PAM: variants seen among roughly 807,000 people sequenced by gnomAD.
PAM encodes peptidylglycine alpha-amidating monooxygenase.
PAM carries 72 observed loss-of-function variants against 122.1 expected under a neutral mutation model. The observed-to-expected ratio is 0.59, with a 90% confidence interval of 0.49 to 0.72. The LOEUF (loss-of-function observed/expected upper bound fraction) is 0.72. Among genes scored for constraint, PAM ranks in the 30% least tolerant of loss-of-function variants. PAM has a pLI of 0.00. For synonymous variants in PAM, 389 were observed against 404.4 expected, an observed-to-expected ratio of 0.96 and a Z score of 0.46; for missense variants, 1,106 against 1,183.7, an observed-to-expected ratio of 0.93 and a Z score of 0.96.
At chr5:102,860,452 G>A (rs7704560) in intron 1 of PAM, among the ~76,000 whole-genome samples, 13,792 of 152,186 alleles carry the variant, frequency 0.091, 1,550 homozygotes, top group African/African-American at 0.26. Flanking sequence ...GAAGGGCGAG[G>A]TGGGGGAATA....
chr5:103,028,452 A>G lies in PAM; in HGVS notation c.2743+214A>G, dbSNP rs528324883. Among the ~76,000 whole-genome samples, 44 of 152,228 alleles carry G rather than the reference A, an allele frequency of 2.9e-4. 1 individual carries two copies. The South Asian group carries it at 8.7e-3, about 30-fold the overall frequency. On this transcript the variant is annotated intron_variant, in intron 25 of 25. Coordinates refer to ENST00000438793, the MANE Select transcript of PAM (RefSeq NM_001177306.2). The stretch of plus-strand genomic sequence containing the variant: ...CAGATTTCCCAGTTTTATTTTTCCC[A>G]TTCTGCATTATCTAATTCTCTTCCC...
chr5:102,895,698 C>A (rs1176253449), intron 3 of PAM, among the ~76,000 whole-genome samples: 1 of 151,714 alleles, frequency 6.6e-6, no homozygotes, highest in African/African-American at 2.4e-5. Flanking sequence ...TAGAGCTTCT[C>A]TCCTATGAAG....
At chr5:102,781,283 A>G (rs539288960) in intron 1 of PAM, among the ~76,000 whole-genome samples, 1 of 152,200 alleles carries the variant, frequency 6.6e-6, no homozygotes, top group Non-Finnish European at 1.5e-5. Flanking sequence ...TGTACAGTAT[A>G]GGGTGATAAA....
intron 15 of PAM, among the ~76,000 whole-genome samples, chr5:102,977,655 T>TGCGC (rs202078440): frequency 3.4e-5 from 4 of 118,826 alleles, no homozygotes; most frequent in African/African-American, 1.0e-4. Context: ...CACATGCATG[T>TGCGC]GCGCACACAC....
intron 7 of PAM, among the ~76,000 whole-genome samples, chr5:102,946,303 CTG>C (rs1757013322): frequency 6.6e-6 from 1 of 152,012 alleles, no homozygotes. Context: ...TCAGGTCAAA[CTG>C]TGGAAAGCTG....
intron 15 of PAM, among the ~76,000 whole-genome samples, chr5:102,976,117 G>A (rs758925032): frequency 2.6e-5 from 4 of 152,138 alleles, no homozygotes; most frequent in East Asian, 3.8e-4. Flanking sequence ...TGTCACTGAC[G>A]TGAATAACAT....
At chr5:102,858,906 TTATAATAGAGC>T (rs1783326068) in intron 1 of PAM, among the ~76,000 whole-genome samples, 1 of 152,156 alleles carries the variant, frequency 6.6e-6, no homozygotes, top group Non-Finnish European at 1.5e-5. Flanking sequence ...TCCCATAAGA[TTATAATAGAGC>T]TGAACAATTC....
intron 1 of PAM, among the ~76,000 whole-genome samples, chr5:102,809,612 G>T (rs907554728): frequency 2.0e-5 from 3 of 152,128 alleles, no homozygotes; most frequent in African/African-American, 7.2e-5. Flanking sequence ...TCTAAAATTT[G>T]CATTTTGTTT....
At chr5:102,756,965 G>T (rs905778725) in intron 1 of PAM, among the ~76,000 whole-genome samples, 7 of 152,246 alleles carry the variant, frequency 4.6e-5, no homozygotes, top group Admixed American at 1.3e-4. Context: ...ATTTTTATAT[G>T]AACAGTCTTC....
chr5:103,018,025 C>CA (rs1410647717), intron 22 of PAM, among the ~76,000 whole-genome samples: 1 of 152,136 alleles, frequency 6.6e-6, no homozygotes, highest in Non-Finnish European at 1.5e-5. Flanking sequence ...ATTTGGACAT[C>CA]ATTTTCATCT....
intron 14 of PAM, among the ~76,000 whole-genome samples, chr5:102,963,426 T>C (rs893334611): frequency 1.3e-5 from 2 of 152,042 alleles, no homozygotes; most frequent in African/African-American, 4.8e-5. Flanking sequence ...GCTTTAATTA[T>C]TCAAATAAAT....
At chr5:102,987,563 G>A in intron 15 of PAM, 2 of 455,724 alleles carry the variant, frequency 4.4e-6, no homozygotes, top group South Asian at 1.6e-5. Context: ...GAAATGATAA[G>A]TGTTCAAGGT....
chr5:102,800,371 G>A (rs563317909), intron 1 of PAM, among the ~76,000 whole-genome samples: 44 of 152,186 alleles, frequency 2.9e-4, no homozygotes, highest in Non-Finnish European at 5.6e-4. Context: ...GCATGTATAC[G>A]AAATTGTAAT....
intron 20 of PAM, 106 bp from the exon 21 acceptor site, chr5:103,009,645 G>T (rs1220623644): frequency 3.0e-6 from 2 of 667,394 alleles, no homozygotes; most frequent in African/African-American, 3.7e-5. Context: ...CAATTGTAGG[G>T]ACCAGGTTGA....
intron 1 of PAM, among the ~76,000 whole-genome samples, chr5:102,817,760 AAC>A (rs2150279735): frequency 6.6e-6 from 1 of 152,086 alleles, no homozygotes; most frequent in Non-Finnish European, 1.5e-5. Flanking sequence ...CTCTCCTCAA[AAC>A]ACTCCAGAGG....
intron 1 of PAM, among the ~76,000 whole-genome samples, chr5:102,793,917 A>G (rs1762701890): frequency 6.6e-6 from 1 of 152,176 alleles, no homozygotes; most frequent in Non-Finnish European, 1.5e-5. Flanking sequence ...TTATCTGAGT[A>G]TTTTGGTTTA....
intron 1 of PAM, among the ~76,000 whole-genome samples, chr5:102,860,342 G>T (rs1180825693): frequency 6.6e-6 from 1 of 152,176 alleles, no homozygotes; most frequent in East Asian, 1.9e-4. Context: ...TACACAAAGA[G>T]GAAGGTCTTG....
At chr5:102,870,057 G>A (rs1786877388) in intron 3 of PAM, among the ~76,000 whole-genome samples, 1 of 148,060 alleles carries the variant, frequency 6.8e-6, no homozygotes, top group South Asian at 2.1e-4. Context: ...GAGGTTGAAG[G>A]AAAATGTAAA....
chr5:103,007,164 C>T (rs1308944035), intron 19 of PAM, among the ~76,000 whole-genome samples, 153 bp downstream of exon 19: 1 of 131,578 alleles, frequency 7.6e-6, no homozygotes, highest in Non-Finnish European at 1.6e-5. Flanking sequence ...TAGCTTGTCT[C>T]TCACACACAC....
Sources: allele counts gnomAD v4.1 joint callset (sites outside exome capture counted in the v4.1 genomes callset), GRCh38; gene constraint gnomAD v4.1.1; transcripts MANE v1.5; gene names NCBI Gene and HGNC (gene_info 2026-07-23, HGNC 2026-07-21).